The following ERBB4 variants were observed in gnomAD, a reference collection of about 807,000 sequenced individuals.
The protein encoded by ERBB4 is receptor tyrosine-protein kinase erbB-4.
A neutral mutation model predicts 158.0 loss-of-function variants in ERBB4; 42 were observed. That is an observed-to-expected ratio of 0.27 (90% CI 0.21 to 0.34). ERBB4 has a LOEUF of 0.34. Ranked by LOEUF, ERBB4 falls within the 10% of genes least tolerant of loss-of-function variation. The pLI, the probability that ERBB4 is intolerant of heterozygous loss-of-function variation, is 1.00. For missense variants in ERBB4, 1,333 were observed against 1,624.1 expected (o/e 0.82, Z 3.08); for synonymous variants, 583 against 558.7 (o/e 1.04, Z -0.61).
chr2:212,275,033 T>G (rs551168106), intron 1 of ERBB4, among the ~76,000 whole-genome samples: 165 of 152,098 alleles, frequency 1.1e-3, no homozygotes, highest in African/African-American at 3.8e-3. Flanking sequence ...TTTGGTTTTC[T>G]GTTCCCTTGT....
intron 3 of ERBB4, among the ~76,000 whole-genome samples, chr2:211,796,517 T>A (rs1351179274): frequency 6.6e-6 from 1 of 152,002 alleles, no homozygotes. Flanking sequence ...AATCACTTTT[T>A]ATTTAACCAA....
At chr2:212,441,527 T>C (rs1271869321) in intron 1 of ERBB4, among the ~76,000 whole-genome samples, 1 of 152,202 alleles carries the variant, frequency 6.6e-6, no homozygotes, top group Non-Finnish European at 1.5e-5. Flanking sequence ...AAGAACTGTT[T>C]GAGTTTTCTA....
chr2:211,809,170 T>C (rs1195669635), intron 3 of ERBB4, among the ~76,000 whole-genome samples: 1 of 152,200 alleles, frequency 6.6e-6, no homozygotes, highest in Non-Finnish European at 1.5e-5. Flanking sequence ...CTATGTTGAA[T>C]AGGAGTGGTG....
chr2:211,975,144 C>T (rs2081568758), intron 2 of ERBB4, among the ~76,000 whole-genome samples: 2 of 152,002 alleles, frequency 1.3e-5, no homozygotes, highest in South Asian at 4.1e-4. Flanking sequence ...ACATACCTGC[C>T]TAATTTTTGT....
intron 1 of ERBB4, among the ~76,000 whole-genome samples, chr2:212,164,328 C>A (rs2081286594): frequency 1.3e-5 from 2 of 151,626 alleles, no homozygotes; most frequent in Non-Finnish European, 1.5e-5. Flanking sequence ...GTATCGAAAA[C>A]AACATTTTAA....
intron 1 of ERBB4, among the ~76,000 whole-genome samples, chr2:212,413,134 ATTTTTTTTTTTTT>A (rs370397826): frequency 9.9e-6 from 1 of 101,256 alleles, no homozygotes; most frequent in Non-Finnish European, 1.9e-5. Flanking sequence ...TGCGTGGCTA[ATTTTTTTTTTTTT>A]TTTTTTTTTT....
At position 211,501,066 on chromosome 2, in the gene ERBB4, T is replaced by C. The variant is rs149689702; in HGVS notation, c.2487+60837A>G. ...TCCATTAAGAACATTACCTAGTTAATTTACAAGAGGCTGACTATAAAAATA... is the reference window on the plus strand; with the variant it reads ...TCCATTAAGAACATTACCTAGTTAACTTACAAGAGGCTGACTATAAAAATA... On this transcript the variant is annotated intron_variant, in intron 20 of 27. Coordinates refer to ENST00000342788, the MANE Select transcript of ERBB4 (RefSeq NM_005235.3). 4.9e-3 allele frequency among the ~76,000 whole-genome samples: 750 copies of C among 152,052 alleles called. 8 individuals carry two copies. Among genetic ancestry groups the C allele is most frequent in the African/African-American group, 0.017 (722 of 41,536 alleles).
At chr2:212,377,481 G>T (rs1560157871) in intron 1 of ERBB4, among the ~76,000 whole-genome samples, 1 of 151,698 alleles carries the variant, frequency 6.6e-6, no homozygotes, top group Non-Finnish European at 1.5e-5. Flanking sequence ...GCATATTATT[G>T]TACTGAATAC....
At chr2:211,901,160 G>A (rs1456024157) in intron 3 of ERBB4, among the ~76,000 whole-genome samples, 1 of 152,098 alleles carries the variant, frequency 6.6e-6, no homozygotes, top group Non-Finnish European at 1.5e-5. Context: ...GTAGGATCAT[G>A]TTCTTGATGC....
chr2:212,269,425 G>C (rs143249261), intron 1 of ERBB4, among the ~76,000 whole-genome samples: 1 of 151,780 alleles, frequency 6.6e-6, no homozygotes, highest in Non-Finnish European at 1.5e-5. Context: ...ATTCATGTGT[G>C]GGGAAAGCCA....
At chr2:211,943,472 G>GGGAC (rs1367236342) in intron 3 of ERBB4, among the ~76,000 whole-genome samples, 1 of 152,024 alleles carries the variant, frequency 6.6e-6, no homozygotes, top group Non-Finnish European at 1.5e-5. Context: ...TGATGCAGTA[G>GGGAC]GGACCTTCCC....
chr2:211,515,841 G>A (rs2066007725), intron 20 of ERBB4, among the ~76,000 whole-genome samples: 1 of 146,468 alleles, frequency 6.8e-6, no homozygotes, highest in Non-Finnish European at 1.5e-5. Context: ...AAAGTATAAG[G>A]GTATTTGCAG....
chr2:212,416,456 T>C (rs2091654754), intron 1 of ERBB4, among the ~76,000 whole-genome samples: 2 of 152,134 alleles, frequency 1.3e-5, no homozygotes, highest in South Asian at 2.1e-4. Context: ...TGTTTGTTCA[T>C]TTTCAATATC....
At chr2:212,190,760 G>A (rs1456761133) in intron 1 of ERBB4, among the ~76,000 whole-genome samples, 2 of 152,066 alleles carry the variant, frequency 1.3e-5, no homozygotes, top group Non-Finnish European at 2.9e-5. Context: ...TACCTTAAAT[G>A]AATGTATTTT....
intron 1 of ERBB4, among the ~76,000 whole-genome samples, chr2:212,320,239 T>C (rs200757269): frequency 6.8e-6 from 1 of 147,430 alleles, no homozygotes; most frequent in Non-Finnish European, 1.5e-5. Flanking sequence ...TTTATTTTTT[T>C]CCTGTGGCTG....
At chr2:211,881,413 T>C (rs946132888) in intron 3 of ERBB4, among the ~76,000 whole-genome samples, 36 of 152,246 alleles carry the variant, frequency 2.4e-4, no homozygotes, top group African/African-American at 7.9e-4. Flanking sequence ...TAAGCAAGCT[T>C]GAAGCTTGCA....
chr2:212,132,680 T>C (rs1033851532), intron 1 of ERBB4, among the ~76,000 whole-genome samples: 1 of 152,098 alleles, frequency 6.6e-6, no homozygotes, highest in East Asian at 1.9e-4. Context: ...ACTAGCTTTT[T>C]TGGGTCTCTA....
intron 19 of ERBB4, among the ~76,000 whole-genome samples, chr2:211,614,294 G>A (rs1055281568): frequency 1.3e-5 from 2 of 151,962 alleles, no homozygotes; most frequent in African/African-American, 4.8e-5. Context: ...GGGGGCTGGG[G>A]ATGGTTAAAT....
intron 1 of ERBB4, among the ~76,000 whole-genome samples, chr2:212,450,582 AT>A (rs1348407019): frequency 6.6e-6 from 1 of 152,052 alleles, no homozygotes; most frequent in Non-Finnish European, 1.5e-5. Context: ...TGACTCCTTG[AT>A]TTTAGTCTAA....
Sources: allele counts gnomAD v4.1 joint callset (sites outside exome capture counted in the v4.1 genomes callset), GRCh38; gene constraint gnomAD v4.1.1; transcripts MANE v1.5; gene names NCBI Gene and HGNC (gene_info 2026-07-23, HGNC 2026-07-21).